CA10: variants seen among roughly 807,000 people sequenced by gnomAD.
CA10 encodes the protein carbonic anhydrase-related protein 10.
Under a neutral mutation model 44.2 loss-of-function variants are expected in CA10, and 14 were observed. The ratio of observed to expected loss-of-function variants is 0.32; its 90% confidence interval spans 0.21 to 0.50. The LOEUF (loss-of-function observed/expected upper bound fraction) is 0.50. Ranked by LOEUF, CA10 falls within the 20% of genes least tolerant of loss-of-function variation. The pLI is 0.99. For synonymous variants in CA10, 159 were observed against 141.6 expected, an observed-to-expected ratio of 1.12 and a Z score of -0.87; for missense variants, 350 against 409.7, an observed-to-expected ratio of 0.85 and a Z score of 1.26.
chr17:51,769,068 T>C (rs772877756), intron 3 of CA10, among the ~76,000 whole-genome samples: 2 of 152,254 alleles, frequency 1.3e-5, no homozygotes, highest in South Asian at 2.1e-4. Context: ...AATGACAACA[T>C]GTCTTGAATG....
intron 2 of CA10, among the ~76,000 whole-genome samples, chr17:51,985,157 A>G (rs1400511479): frequency 6.6e-6 from 1 of 151,960 alleles, no homozygotes; most frequent in Non-Finnish European, 1.5e-5. Flanking sequence ...TATCAAAAAA[A>G]TAATCCACCA....
At chr17:52,139,270 A>G (rs1989425706) in intron 1 of CA10, among the ~76,000 whole-genome samples, 1 of 152,198 alleles carries the variant, frequency 6.6e-6, no homozygotes, top group Non-Finnish European at 1.5e-5. Context: ...AGTGATTTTC[A>G]AAGCACTTTA....
At chr17:52,154,954 G>A (rs1255973578) in intron 1 of CA10, among the ~76,000 whole-genome samples, 1 of 152,140 alleles carries the variant, frequency 6.6e-6, no homozygotes, top group Non-Finnish European at 1.5e-5. Flanking sequence ...TTTGGGGGTG[G>A]GTTAGAGGAA....
At chr17:51,882,409 C>T (rs1980415798) in intron 3 of CA10, among the ~76,000 whole-genome samples, 2 of 152,120 alleles carry the variant, frequency 1.3e-5, no homozygotes, top group African/African-American at 4.8e-5. Context: ...AGAATTGTCC[C>T]AAAACCTCAG....
At chr17:52,006,859 T>C (rs1360175112) in intron 2 of CA10, among the ~76,000 whole-genome samples, 2 of 151,800 alleles carry the variant, frequency 1.3e-5, no homozygotes, top group East Asian at 3.9e-4. Flanking sequence ...TAATCTGAGA[T>C]TAATGTCTTC....
chr17:51,932,935 ATATT>A (rs1245966912), intron 2 of CA10, among the ~76,000 whole-genome samples: 4 of 152,044 alleles, frequency 2.6e-5, no homozygotes, highest in African/African-American at 9.7e-5. Context: ...ACTTGATCTT[ATATT>A]TATTTATCCC....
chr17:51,961,862 G>A (rs1024301605), intron 2 of CA10, among the ~76,000 whole-genome samples: 7 of 152,212 alleles, frequency 4.6e-5, no homozygotes, highest in African/African-American at 1.7e-4. Flanking sequence ...AGATCTCCGG[G>A]CATTCAAAGC....
At chr17:52,079,696 C>A (rs1987914894) in intron 1 of CA10, among the ~76,000 whole-genome samples, 1 of 152,070 alleles carries the variant, frequency 6.6e-6, no homozygotes, top group Non-Finnish European at 1.5e-5. Flanking sequence ...GTTGACAAGC[C>A]CACACGTGCT....
chr17:51,942,297 C>T (rs1473261205), intron 2 of CA10, among the ~76,000 whole-genome samples: 2 of 152,028 alleles, frequency 1.3e-5, no homozygotes, highest in East Asian at 1.9e-4. Context: ...GGAACCCAAA[C>T]ACAACACAAC....
intron 4 of CA10, among the ~76,000 whole-genome samples, chr17:51,663,822 C>T (rs1914105177): frequency 6.6e-6 from 1 of 152,194 alleles, no homozygotes; most frequent in Non-Finnish European, 1.5e-5. Flanking sequence ...AGGCCATTCA[C>T]ACTTTGGGAC....
chr17:51,649,956 A>G (rs1182767139), intron 5 of CA10, among the ~76,000 whole-genome samples: 3 of 142,186 alleles, frequency 2.1e-5, no homozygotes, highest in Non-Finnish European at 4.6e-5. Context: ...AATTCAATCA[A>G]CCAACCATCC....
chr17:51,914,818 G>A (rs756188745), intron 3 of CA10, among the ~76,000 whole-genome samples: 1 of 152,140 alleles, frequency 6.6e-6, no homozygotes, highest in East Asian at 1.9e-4. Context: ...ACTCAGCTCT[G>A]TTTCTTGTCA....
chr17:51,915,091 T>G (rs1168931145), intron 3 of CA10, among the ~76,000 whole-genome samples: 1 of 152,216 alleles, frequency 6.6e-6, no homozygotes, highest in Non-Finnish European at 1.5e-5. Context: ...TTACATACTT[T>G]GCTGCTAACC....
chr17:52,044,618 G>C (rs1178643545), intron 2 of CA10, among the ~76,000 whole-genome samples: 1 of 151,954 alleles, frequency 6.6e-6, no homozygotes, highest in African/African-American at 2.4e-5. Context: ...AATTTCTTTA[G>C]AGAAATGGAA....
At chr17:51,994,626 T>C (rs983044944) in intron 2 of CA10, among the ~76,000 whole-genome samples, 1 of 148,662 alleles carries the variant, frequency 6.7e-6, no homozygotes, top group African/African-American at 2.5e-5. Flanking sequence ...TACAGAGATC[T>C]GGACTTGAGT....
intron 2 of CA10, among the ~76,000 whole-genome samples, chr17:51,957,037 CTTTTA>C (rs1983693622): frequency 6.6e-6 from 1 of 152,060 alleles, no homozygotes; most frequent in African/African-American, 2.4e-5. Context: ...GCCCAGATTG[CTTTTA>C]TTTTCTGTTG....
At chr17:51,797,235 A>C (rs17588506) in intron 3 of CA10, among the ~76,000 whole-genome samples, 30,036 of 152,206 alleles carry the variant, frequency 0.2, 3,559 homozygotes, top group Middle Eastern at 0.35. Flanking sequence ...AGCAGCATGA[A>C]AAAGGATATC....
At chr17:51,780,720 G>C (rs1239889762) in intron 3 of CA10, among the ~76,000 whole-genome samples, 1 of 152,216 alleles carries the variant, frequency 6.6e-6, no homozygotes, top group East Asian at 1.9e-4. Context: ...CGTCTTCTCA[G>C]AGGGTATTGA....
At chr17:52,139,169 A>G (rs902150264) in intron 1 of CA10, among the ~76,000 whole-genome samples, 2 of 152,202 alleles carry the variant, frequency 1.3e-5, no homozygotes, top group South Asian at 2.1e-4. Flanking sequence ...TCTTCTCAAT[A>G]TGACAGACCA....
Sources: allele counts gnomAD v4.1 joint callset (sites outside exome capture counted in the v4.1 genomes callset), GRCh38; gene constraint gnomAD v4.1.1; transcripts MANE v1.5; gene names NCBI Gene and HGNC (gene_info 2026-07-23, HGNC 2026-07-21).